KANSL1L: variants seen among roughly 807,000 people sequenced by gnomAD.
The protein encoded by KANSL1L is KAT8 regulatory NSL complex subunit 1-like protein.
In KANSL1L, 25 loss-of-function variants were observed where a neutral mutation model predicts 108.6. That is an observed-to-expected ratio of 0.23 (90% confidence interval 0.17 to 0.32). The LOEUF (loss-of-function observed/expected upper bound fraction) is 0.32. Among genes scored for constraint, KANSL1L ranks in the 10% least tolerant of loss-of-function variants. KANSL1L has a pLI of 1.00. For missense variants in KANSL1L, 1,137 were observed against 1,125.7 expected (o/e 1.01, Z -0.14); for synonymous variants, 405 against 395.1 (o/e 1.03, Z -0.30).
At chr2:210,032,376 T>G (rs2094030455) in intron 8 of KANSL1L, 1 of 152,194 alleles carries the variant, frequency 6.6e-6, no homozygotes, top group South Asian at 2.1e-4. Flanking sequence ...GTGGAACCTG[T>G]AAAGCAGAAT....
rs1269069632 is a variant in KANSL1L, at chr2:210,024,013, A to G, written c.2733+20T>C. The G allele has an allele frequency of 2.7e-6, 4 of 1,487,734 alleles. No individual in the cohort carries two copies. The highest frequency in any genetic ancestry group is 3.6e-6 in the Non-Finnish European group (4 of 1,108,440). The allele number at this position is 1,487,734 out of a possible 1,614,324, so 92.2% of individuals were successfully genotyped here. A position where few individuals can be genotyped will look rare whatever the true frequency, so the allele number is the denominator to read the frequency against. On this transcript the variant is annotated intron_variant, in intron 14 of 14. Transcript: ENST00000281772. ...TAAAAGTCAAGGAATGGGAAGTTTA[A>G]TCATACATATTACACTTACCTTGGT...
rs543530035 is a variant in KANSL1L, at chr2:210,158,862, C to T, written c.-29-4251G>A. On this transcript the variant is annotated intron_variant, in intron 1 of 14. Transcript: ENST00000281772. ...CATTTCTTCCAATTATTTAAATTATCTAGATATATAATCATTTTACATAAC... is the reference window on the plus strand; with the variant it reads ...CATTTCTTCCAATTATTTAAATTATTTAGATATATAATCATTTTACATAAC... 7.2e-5 allele frequency among the ~76,000 whole-genome samples: 11 copies of T among 152,246 alleles called. No homozygotes were observed. The South Asian group carries it at 2.3e-3, about 32-fold the overall frequency.
chr2:210,021,566 T>G lies in KANSL1L; in HGVS notation c.*1383A>C, dbSNP rs186976505. 7 of 152,676 alleles carry G rather than the reference T, an allele frequency of 4.6e-5. No individual in the cohort carries two copies. The highest frequency in any genetic ancestry group is 1.4e-4 in the African/African-American group (6 of 41,570). The allele number at this position is 152,676 out of a possible 1,614,324, so 9.5% of individuals were successfully genotyped here. ...TTTAAAAATAAATGTACAGTAAAAC[T>G]ACAAGCAAAAGTTTGTCAGTATTGA... On this transcript the variant is annotated 3_prime_UTR_variant, in exon 15 of 15. Transcript: ENST00000281772.
Position 210,121,276 on chromosome 2 carries a change from C to T in KANSL1L, c.1230+7755G>A, listed in dbSNP as rs552833090. ...CCCATCAATGGTAGACTGCATAAAG[C>T]AAATGTGGTACACATACACCATGGA... On this transcript the variant is annotated intron_variant, in intron 3 of 14. Transcript: ENST00000281772. Among the ~76,000 whole-genome samples, 248 of 152,190 alleles carry T rather than the reference C, an allele frequency of 1.6e-3. 1 individual carries two copies. Among genetic ancestry groups the T allele is most frequent in the Non-Finnish European group, 2.5e-3 (171 of 67,992 alleles).
chr2:210,079,672 G>GTA lies in KANSL1L; in HGVS notation c.1551-3917_1551-3916insTA, dbSNP rs1343715938. On this transcript the variant is annotated intron_variant, in intron 5 of 14. Transcript: ENST00000281772. ...TATATATATATATATATATGTATGT[G>GTA]TGTATATATATATATATATGTATGT... 5.3e-3 allele frequency: 136 copies of GTA among 25,460 alleles called. 5 individuals carry two copies. Among genetic ancestry groups the GTA allele is most frequent in the South Asian group, 6.8e-3 (4 of 584 alleles). The allele number at this position is 25,460 out of a possible 1,614,324, so 1.6% of individuals were successfully genotyped here.
intron 3 of KANSL1L, among the ~76,000 whole-genome samples, chr2:210,106,864 G>GC (rs2094852239): frequency 6.6e-6 from 1 of 151,888 alleles, no homozygotes; most frequent in Non-Finnish European, 1.5e-5. Flanking sequence ...CAAAACTGTT[G>GC]GAGTGTGAGG....
At chr2:210,172,083 T>G (rs1688371105), upstream of KANSL1L, among the ~76,000 whole-genome samples, 2 of 151,948 alleles carry the variant, frequency 1.3e-5, no homozygotes, top group Non-Finnish European at 2.9e-5. Context: ...GCAGTAACGC[T>G]GTCAAATAAA....
intron 5 of KANSL1L, among the ~76,000 whole-genome samples, chr2:210,082,673 G>A (rs900383509): frequency 6.6e-6 from 1 of 152,168 alleles, no homozygotes; most frequent in African/African-American, 2.4e-5. Flanking sequence ...AGGAAACTAA[G>A]TTCAAGGAAT....
At chr2:210,140,440 T>C (rs999809734) in intron 2 of KANSL1L, among the ~76,000 whole-genome samples, 1 of 152,206 alleles carries the variant, frequency 6.6e-6, no homozygotes, top group African/African-American at 2.4e-5. Flanking sequence ...GCCCGTGGCA[T>C]CTTTATTAAA....
chr2:210,159,047 A>G (rs1405485201), intron 1 of KANSL1L, among the ~76,000 whole-genome samples: 1 of 152,234 alleles, frequency 6.6e-6, no homozygotes, highest in African/African-American at 2.4e-5. Flanking sequence ...TCTATTTGAC[A>G]TACAGAAGAT....
intron 6 of KANSL1L, among the ~76,000 whole-genome samples, chr2:210,058,607 G>A (rs1276741133): frequency 6.6e-6 from 1 of 152,124 alleles, no homozygotes; most frequent in Admixed American, 6.5e-5. Flanking sequence ...GCTGAGGCAG[G>A]TGGATCACGA....
rs2095323218 is a variant in KANSL1L, at chr2:210,154,605, T to C, written c.-23A>G. 4 of 1,437,546 alleles carry C rather than the reference T, an allele frequency of 2.8e-6. No individual in the cohort carries two copies. Among genetic ancestry groups the C allele is most frequent in the Non-Finnish European group, 3.7e-6 (4 of 1,091,728 alleles). The allele number at this position is 1,437,546 out of a possible 1,614,324, so 89.0% of individuals were successfully genotyped here. ...CATGGCGATTCCTGTAGATAAGTAT[T>C]GGAAACCTACAATAATGTAAAAATA... On this transcript the variant is annotated 5_prime_UTR_variant, in exon 2 of 15. Coordinates refer to ENST00000281772, the MANE Select transcript of KANSL1L (RefSeq NM_152519.4).
At chr2:210,057,040 T>A (rs2094359115) in intron 6 of KANSL1L, among the ~76,000 whole-genome samples, 1 of 152,148 alleles carries the variant, frequency 6.6e-6, no homozygotes, top group Non-Finnish European at 1.5e-5. Context: ...TATTTCTCCA[T>A]CCCTTTGAAT....
intron 1 of KANSL1L, among the ~76,000 whole-genome samples, chr2:210,158,820 A>G (rs1037913538): frequency 6.6e-6 from 1 of 152,170 alleles, no homozygotes; most frequent in South Asian, 2.1e-4. Flanking sequence ...GTATAGTTTT[A>G]GCACAAAATA....
chr2:210,140,189 A>C (rs2095215054), intron 2 of KANSL1L, among the ~76,000 whole-genome samples: 1 of 152,140 alleles, frequency 6.6e-6, no homozygotes, highest in South Asian at 2.1e-4. Flanking sequence ...AGTTTGATGC[A>C]ATTTCATTTG....
At chr2:210,110,412 G>A (rs569632274) in intron 3 of KANSL1L, among the ~76,000 whole-genome samples, 42 of 152,046 alleles carry the variant, frequency 2.8e-4, no homozygotes, top group Admixed American at 1.3e-4. Context: ...TGCTAACTTC[G>A]TAAGGCCTTG....
At position 210,047,113 on chromosome 2, in the gene KANSL1L, C is replaced by CTTCTATTGTT. The variant is rs562589990; in HGVS notation, c.1756-3010_1756-3009insAACAATAGAA. 2.0e-3 allele frequency among the ~76,000 whole-genome samples: 305 copies of CTTCTATTGTT among 152,096 alleles called. 2 individuals are homozygous for CTTCTATTGTT. The East Asian group carries it at 0.034, about 17-fold the overall frequency. On this transcript the variant is annotated intron_variant, in intron 6 of 14. Coordinates refer to ENST00000281772, the MANE Select transcript of KANSL1L (RefSeq NM_152519.4). The stretch of plus-strand genomic sequence containing the variant: ...GCCTTCAGGGCCATTCTTCTATTGT[C>CTTCTATTGTT]TTGGAGAATATCTCCTGGCTTCTGT...
In KANSL1L at chr2:210,028,916, A is replaced by C. The variant is rs751290527; in HGVS notation, c.2325T>G (p.Ile775Met). Residue 775 changes from isoleucine (I) to methionine (M), a missense_variant, in exon 11 of 15, where the codon ATT (isoleucine) becomes ATG (methionine). Around this residue, in one of 3 missense-constraint regions of KANSL1L, gnomAD observed 575 missense variants for 567.1 expected, o/e 1.01. Transcript: ENST00000281772. ...GGGCTACTAATGACATGGGAATCAC[A>C]ATGTTATCTATGTCATAAGAGCTCT... ...RSESSYDIDNIVIPMSLVAPA... is the reference protein window; with the variant it reads ...RSESSYDIDNMVIPMSLVAPA... 1 of 1,604,258 alleles carries C rather than the reference A, an allele frequency of 6.2e-7. No individual in the cohort carries two copies. Among genetic ancestry groups the C allele is most frequent in the African/African-American group, 1.3e-5 (1 of 74,650 alleles).
intron 6 of KANSL1L, among the ~76,000 whole-genome samples, chr2:210,047,284 A>T (rs1032016364): frequency 3.9e-5 from 6 of 152,116 alleles, no homozygotes; most frequent in Non-Finnish European, 8.8e-5. Flanking sequence ...TTTCTTTTTG[A>T]TTAACAGTTC....
Sources: gnomAD v4.1 joint callset for allele counts (sites outside exome capture counted in the v4.1 genomes callset) on GRCh38, gnomAD v4.1.1 for gene constraint, gnomAD v4.1.1 regional missense constraint, MANE v1.5 for transcripts, NCBI Gene and HGNC (gene_info 2026-07-23, HGNC 2026-07-21) for gene names.